Variants in ACVR2A observed in about 807,000 individuals in gnomAD.
ACVR2A encodes the protein activin receptor type-2A.
A neutral mutation model predicts 61.4 loss-of-function variants in ACVR2A; 7 were observed. That is an observed-to-expected ratio of 0.11 (90% CI 0.06 to 0.21). ACVR2A has a LOEUF of 0.21. Ranked by LOEUF, ACVR2A falls within the 10% of genes least tolerant of loss-of-function variation. The probability of loss-of-function intolerance (pLI) is 1.00; values close to 1 mark genes in which losing one functional copy is unlikely to be tolerated. For missense variants in ACVR2A, 322 were observed against 621.7 expected, an observed-to-expected ratio of 0.52 and a Z score of 5.13; for synonymous variants, 193 against 208.3, an observed-to-expected ratio of 0.93 and a Z score of 0.63.
intron 1 of ACVR2A, among the ~76,000 whole-genome samples, chr2:147,889,829 T>A (rs1003508733): frequency 7.3e-5 from 11 of 151,650 alleles, no homozygotes; most frequent in African/African-American, 2.7e-4. Context: ...ATTTTTTTTT[T>A]AATGGTAGGA....
intron 1 of ACVR2A, among the ~76,000 whole-genome samples, chr2:147,869,780 A>T (rs147166005): frequency 6.6e-6 from 1 of 152,308 alleles, no homozygotes; most frequent in African/African-American, 2.4e-5. Context: ...TTCATGAAGG[A>T]AATGGGACTT....
At chr2:147,910,823 T>C (rs1384459056) in intron 4 of ACVR2A, among the ~76,000 whole-genome samples, 1 of 152,180 alleles carries the variant, frequency 6.6e-6, no homozygotes. Flanking sequence ...GCTTAACTGC[T>C]TCACCTTGAT....
chr2:147,916,993 A>G (rs1687261444), intron 5 of ACVR2A, among the ~76,000 whole-genome samples: 1 of 151,942 alleles, frequency 6.6e-6, no homozygotes, highest in African/African-American at 2.4e-5. Context: ...GCAGTAACTT[A>G]CGTGTTGCCA....
intron 1 of ACVR2A, among the ~76,000 whole-genome samples, chr2:147,874,253 A>G (rs1225679492): frequency 1.3e-5 from 2 of 151,916 alleles, no homozygotes. Flanking sequence ...ACAATTATCC[A>G]GGTCTCAGTT....
intron 1 of ACVR2A, among the ~76,000 whole-genome samples, chr2:147,869,815 A>G (rs1685965016): frequency 6.6e-6 from 1 of 152,104 alleles, no homozygotes; most frequent in East Asian, 1.9e-4. Context: ...AGATGAGTTA[A>G]AATCTATATA....
chr2:147,848,953 A>G (rs1419497189), intron 1 of ACVR2A, among the ~76,000 whole-genome samples: 1 of 152,172 alleles, frequency 6.6e-6, no homozygotes, highest in Non-Finnish European at 1.5e-5. Flanking sequence ...ATCTCCAGGT[A>G]ACGTTGTATT....
intron 1 of ACVR2A, among the ~76,000 whole-genome samples, chr2:147,885,716 AAAAG>A (rs1476437682): frequency 1.3e-5 from 2 of 152,140 alleles, no homozygotes; most frequent in Admixed American, 1.3e-4. Context: ...AGGTCACTCA[AAAAG>A]AAAGTAACGA....
chr2:147,915,918 T>C (rs116621026), intron 5 of ACVR2A, among the ~76,000 whole-genome samples: 91 of 151,984 alleles, frequency 6.0e-4, no homozygotes, highest in African/African-American at 2.2e-3. Context: ...GTGTTTTGTT[T>C]TGTTCCGTTG....
intron 1 of ACVR2A, among the ~76,000 whole-genome samples, chr2:147,848,169 G>A (rs1685359417): frequency 6.6e-6 from 1 of 152,186 alleles, no homozygotes; most frequent in South Asian, 2.1e-4. Context: ...AGTGATGGAT[G>A]ATAAATACTT....
intron 4 of ACVR2A, among the ~76,000 whole-genome samples, chr2:147,905,424 T>G (rs1400467875): frequency 6.6e-6 from 1 of 152,138 alleles, no homozygotes; most frequent in Non-Finnish European, 1.5e-5. Context: ...AATGTGATTT[T>G]TTTTTTAAGC....
chr2:147,896,175 CAA>C, intron 1 of ACVR2A, 124 bp from the exon 2 acceptor site: 1 of 807,258 alleles, frequency 1.2e-6, no homozygotes, highest in Non-Finnish European at 1.9e-6. Flanking sequence ...AACCTAAACC[CAA>C]AGTTATAAGT....
At chr2:147,916,579 T>TG (rs1458728868) in intron 5 of ACVR2A, among the ~76,000 whole-genome samples, 1 of 151,930 alleles carries the variant, frequency 6.6e-6, no homozygotes, top group Non-Finnish European at 1.5e-5. Context: ...CAGAGGTTAG[T>TG]GGGAGAGCCA....
chr2:147,878,091 T>C (rs903523700), intron 1 of ACVR2A, among the ~76,000 whole-genome samples: 2 of 152,182 alleles, frequency 1.3e-5, no homozygotes, highest in African/African-American at 4.8e-5. Flanking sequence ...TAATTCTTTG[T>C]GGTAATTAAC....
intron 1 of ACVR2A, among the ~76,000 whole-genome samples, chr2:147,851,584 C>T (rs200457724): frequency 1.3e-5 from 2 of 152,102 alleles, no homozygotes; most frequent in East Asian, 1.9e-4. Flanking sequence ...TCCTCTTCTA[C>T]CTGGCTAACC....
chr2:147,888,133 A>G (rs560133081), intron 1 of ACVR2A, among the ~76,000 whole-genome samples: 9 of 149,586 alleles, frequency 6.0e-5, no homozygotes, highest in East Asian at 6.0e-4. Flanking sequence ...ACGTGTTTGT[A>G]TGTAGATCTC....
chr2:147,845,175 C>T lies in ACVR2A; in HGVS notation c.23C>T (p.Ala8Val). The T allele has an allele frequency of 6.2e-7, 1 of 1,613,256 alleles. No homozygotes were observed. Among genetic ancestry groups the T allele is most frequent in the East Asian group, 2.2e-5 (1 of 44,826 alleles). MGAAAKLAFAVFLISCSS... is the reference protein window; with the variant it reads MGAAAKLVFAVFLISCSS... ...AAAATGGGAGCTGCTGCAAAGTTGG[C>T]GTTTGCCGTCTTTCTTATCTCCTGT... The change falls in exon 1 of 11, where the codon GCG becomes GTG. Residue 8 changes from alanine to valine, a missense_variant. By Grantham distance (64) the Ala-to-Val change is moderately conservative. Around this residue, in one of 3 missense-constraint regions of ACVR2A, gnomAD observed 142 missense variants for 200.3 expected, o/e 0.71. Transcript: ENST00000241416.
At chr2:147,888,386 A>G (rs1016715155) in intron 1 of ACVR2A, among the ~76,000 whole-genome samples, 5 of 152,180 alleles carry the variant, frequency 3.3e-5, no homozygotes, top group Non-Finnish European at 1.5e-5. Flanking sequence ...TGACATCTTT[A>G]TGTTCAATCT....
At chr2:147,920,112 C>A (rs16828025) in intron 7 of ACVR2A, 118 bp from the exon 8 acceptor site, 2 of 671,338 alleles carry the variant, frequency 3.0e-6, no homozygotes, top group Non-Finnish European at 5.0e-6. Flanking sequence ...CTCTGCATTT[C>A]ATAATTTTAA....
chr2:147,910,087 C>T (rs1438880744), intron 4 of ACVR2A, among the ~76,000 whole-genome samples: 1 of 152,016 alleles, frequency 6.6e-6, no homozygotes, highest in East Asian at 1.9e-4. Flanking sequence ...TGTATTTATT[C>T]ATGTACTTAA....
Sources: gnomAD v4.1 joint callset for allele counts (sites outside exome capture counted in the v4.1 genomes callset) on GRCh38, gnomAD v4.1.1 for gene constraint, gnomAD v4.1.1 regional missense constraint, MANE v1.5 for transcripts, NCBI Gene and HGNC (gene_info 2026-07-23, HGNC 2026-07-21) for gene names.